The following TG variants were observed in gnomAD, a reference collection of about 807,000 sequenced individuals.
The protein encoded by TG is thyroid hormones.
A neutral mutation model predicts 324.7 loss-of-function variants in TG; 270 were observed. The ratio of observed to expected loss-of-function variants is 0.83; its 90% CI spans 0.75 to 0.92. The LOEUF (loss-of-function observed/expected upper bound fraction) is 0.92. Ranked by LOEUF, TG falls within the 40% of genes least tolerant of loss-of-function variation. The probability of loss-of-function intolerance (pLI) is 0.00; values close to 1 mark genes in which losing one functional copy is unlikely to be tolerated. For missense variants in TG, 3,591 were observed against 3,456.4 expected (o/e 1.04, Z -0.98); for synonymous variants, 1,401 against 1,327.0 (o/e 1.06, Z -1.21).
intron 20 of TG, among the ~76,000 whole-genome samples, chr8:132,913,739 T>C (rs1177498525): frequency 6.6e-6 from 1 of 152,222 alleles, no homozygotes; most frequent in East Asian, 1.9e-4. Flanking sequence ...GGGAAAGTGA[T>C]GCAGATTCCT....
At chr8:133,123,927 G>A (rs1053957673) in intron 45 of TG, among the ~76,000 whole-genome samples, 1 of 152,262 alleles carries the variant, frequency 6.6e-6, no homozygotes, top group Admixed American at 6.5e-5. Flanking sequence ...AAGGCACACA[G>A]ACAGCCTCGC....
At chr8:132,873,562 T>A (rs1427889344) in intron 5 of TG, among the ~76,000 whole-genome samples, 1 of 152,156 alleles carries the variant, frequency 6.6e-6, no homozygotes, top group Non-Finnish European at 1.5e-5. Context: ...GCTGAATAAA[T>A]GTGAATCTGC....
intron 35 of TG, among the ~76,000 whole-genome samples, chr8:132,997,548 G>A (rs1431494918): frequency 1.3e-5 from 2 of 152,144 alleles, no homozygotes; most frequent in East Asian, 3.9e-4. Flanking sequence ...AGACAGGGGA[G>A]GCACACTGGT....
chr8:132,867,705 G>A (rs888493377), intron 1 of TG, among the ~76,000 whole-genome samples: 1 of 151,574 alleles, frequency 6.6e-6, no homozygotes, highest in East Asian at 1.9e-4. Flanking sequence ...TGCAGGGCAT[G>A]GCTTGATAGA....
chr8:132,970,679 G>GA, intron 32 of TG, among the ~76,000 whole-genome samples: 1 of 152,292 alleles, frequency 6.6e-6, no homozygotes, highest in Non-Finnish European at 1.5e-5. Flanking sequence ...AGTGGTGGAT[G>GA]AAAAGGAGGG....
At chr8:132,950,398 TG>T (rs1190898740) in intron 27 of TG, among the ~76,000 whole-genome samples, 1 of 152,178 alleles carries the variant, frequency 6.6e-6, no homozygotes, top group African/African-American at 2.4e-5. Context: ...CTGCAGGAAG[TG>T]GTCTCCCAAA....
At chr8:133,067,660 CAGTT>C (rs753750434) in intron 41 of TG, among the ~76,000 whole-genome samples, 37 of 152,162 alleles carry the variant, frequency 2.4e-4, no homozygotes, top group Non-Finnish European at 4.7e-4. Flanking sequence ...CCTGTAATCC[CAGTT>C]ACTCAGGAGG....
intron 20 of TG, among the ~76,000 whole-genome samples, chr8:132,917,691 G>A (rs1820537290): frequency 6.6e-6 from 1 of 151,948 alleles, no homozygotes; most frequent in Non-Finnish European, 1.5e-5. Context: ...GCCACCTTCC[G>A]AAGGGGTGAA....
intron 30 of TG, 124 bp from the exon 31 acceptor site, chr8:132,967,670 C>G: frequency 9.3e-7 from 1 of 1,079,904 alleles, no homozygotes; most frequent in East Asian, 2.6e-5. Context: ...ATGACAGTCT[C>G]AGGCCTCTGC....
intron 26 of TG, among the ~76,000 whole-genome samples, chr8:132,944,642 A>G (rs1054449462): frequency 2.0e-5 from 3 of 152,146 alleles, no homozygotes; most frequent in Non-Finnish European, 2.9e-5. Flanking sequence ...GACTTATGAC[A>G]TAGACACTTG....
chr8:132,872,972 T>A (rs896910222), intron 4 of TG, 90 bp from the exon 5 acceptor site: 1 of 1,388,932 alleles, frequency 7.2e-7, no homozygotes, highest in African/African-American at 1.4e-5. Context: ...CTCATCCCCA[T>A]TGCTAAGGGA....
chr8:133,133,671 C>T lies in TG; in HGVS notation c.8188+11C>T. 1 of 1,612,234 alleles carries T rather than the reference C, an allele frequency of 6.2e-7. No homozygotes were observed. The highest frequency in any genetic ancestry group is 8.5e-7 in the Non-Finnish European group (1 of 1,179,002). On this transcript the variant is annotated intron_variant, in intron 47 of 47. Transcript: ENST00000220616. ...TGAAGACATCTGCAGGTAGCAAAGC[C>T]CTGGGACAAGTGGAGGGAGCTGGGT... is the stretch of plus-strand genomic sequence containing the variant.
intron 35 of TG, among the ~76,000 whole-genome samples, chr8:133,008,823 C>A (rs1834246128): frequency 6.6e-6 from 1 of 152,232 alleles, no homozygotes; most frequent in Non-Finnish European, 1.5e-5. Context: ...ATACTAAATG[C>A]AGCAGTGTTG....
intron 39 of TG, among the ~76,000 whole-genome samples, 179 bp from the exon 40 acceptor site, chr8:133,021,812 G>A (rs148841580): frequency 6.6e-6 from 1 of 152,246 alleles, no homozygotes; most frequent in East Asian, 1.9e-4. Context: ...AACTGCTGAG[G>A]TCTTGGGGGC....
intron 45 of TG, among the ~76,000 whole-genome samples, chr8:133,125,041 A>G (rs1564215743): frequency 6.6e-6 from 1 of 152,144 alleles, no homozygotes; most frequent in Non-Finnish European, 1.5e-5. Context: ...GAAACTGATC[A>G]CTCCAACTCC....
Position 132,971,886 on chromosome 8 carries a change from A to C in TG, c.6055+13A>C. Reference sequence around the variant, plus strand: ...TCCCAGTTAAAAGGTAATAATGGTAACAACTTCCTCTCCCCTGCGCACAGT... The same window carrying C: ...TCCCAGTTAAAAGGTAATAATGGTACCAACTTCCTCTCCCCTGCGCACAGT... On this transcript the variant is annotated intron_variant, in intron 33 of 47. Transcript: ENST00000220616. 2 of 1,574,100 alleles carry C rather than the reference A, an allele frequency of 1.3e-6. No homozygotes were observed. The highest frequency in any genetic ancestry group is 1.7e-6 in the Non-Finnish European group (2 of 1,143,538).
intron 40 of TG, among the ~76,000 whole-genome samples, chr8:133,023,757 G>A (rs1835766016): frequency 6.6e-6 from 1 of 152,174 alleles, no homozygotes. Flanking sequence ...AGACAGAAGA[G>A]AGTTTCCATA....
chr8:132,962,871 A>T, intron 28 of TG, 123 bp from the exon 29 acceptor site: 1 of 849,502 alleles, frequency 1.2e-6, no homozygotes, highest in Non-Finnish European at 2.1e-6. Context: ...TCTGTTGCAG[A>T]TCTTCTCTAA....
intron 35 of TG, among the ~76,000 whole-genome samples, chr8:132,986,414 ATATATATGTATG>A (rs1831559693): frequency 6.7e-6 from 1 of 150,164 alleles, no homozygotes; most frequent in African/African-American, 2.5e-5. Flanking sequence ...GTATGTGTAT[ATATATATGTATG>A]TATCTCCAAA....
Sources: allele counts gnomAD v4.1 joint callset (sites outside exome capture counted in the v4.1 genomes callset), GRCh38; gene constraint gnomAD v4.1.1; transcripts MANE v1.5; gene names NCBI Gene and HGNC (gene_info 2026-07-23, HGNC 2026-07-21).